Variants in MTR observed in about 807,000 individuals in gnomAD.
MTR encodes the protein 5-methyltetrahydrofolate-homocysteine methyltransferase.
MTR carries 84 observed loss-of-function variants against 154.8 expected under a neutral mutation model. The observed-to-expected ratio is 0.54, with a 90% CI of 0.45 to 0.65. The LOEUF is 0.65. MTR is among the 30% of genes least tolerant of loss of function. The probability of loss-of-function intolerance (pLI) is 0.00; values close to 1 mark genes in which losing one functional copy is unlikely to be tolerated. For synonymous variants in MTR, 554 were observed against 553.9 expected (o/e 1.00, Z 0.00); for missense variants, 1,275 against 1,570.2 (o/e 0.81, Z 3.18).
In MTR at chr1:236,895,486, C is replaced by T. The variant is rs746518670; in HGVS notation, c.3534C>T (p.Pro1178=). The part of the protein sequence containing the change: ...YKGIRPAPGY[P]SQPDHTEKLT... ...GCATCCGCCCGGCTCCTGGCTACCC[C>T]AGCCAGCCCGACCACACCGAGAAGC... Residue 1178 remains proline (P), a synonymous_variant, in exon 31 of 33, where the codon CCC becomes CCT. Transcript: ENST00000366577. 5 of 1,595,772 alleles carry T rather than the reference C, an allele frequency of 3.1e-6. No individual in the cohort carries two copies. The highest frequency in any genetic ancestry group is 2.3e-5 in the East Asian group (1 of 44,008).
chr1:236,850,278 TTTAATA>T (rs1663821876), intron 15 of MTR, 60 bp from the exon 16 acceptor site: 1 of 1,057,014 alleles, frequency 9.5e-7, no homozygotes, highest in Non-Finnish European at 1.3e-6. Context: ...ATAACAGGTA[TTTAATA>T]TTAATATTTT....
At chr1:236,821,608 C>T (rs550890231) in intron 8 of MTR, among the ~76,000 whole-genome samples, 7 of 152,016 alleles carry the variant, frequency 4.6e-5, no homozygotes, top group Admixed American at 4.6e-4. Context: ...TGGACCCTGC[C>T]TTTGTTGTTT....
At chr1:236,894,716 A>G (rs142819899) in intron 30 of MTR, 159 bp downstream of exon 30, 683 of 683,448 alleles carry the variant, frequency 1.0e-3, no homozygotes, top group Admixed American at 1.4e-3. Flanking sequence ...ACGTATTTTA[A>G]TATTATGTAT....
At chr1:236,878,770 G>T (rs1665571243) in intron 24 of MTR, among the ~76,000 whole-genome samples, 1 of 152,156 alleles carries the variant, frequency 6.6e-6, no homozygotes, top group Non-Finnish European at 1.5e-5. Context: ...GGGGTCTTTG[G>T]TCCCTGAGCA....
intron 13 of MTR, among the ~76,000 whole-genome samples, chr1:236,834,379 C>T (rs983495783): frequency 1.3e-5 from 2 of 152,120 alleles, no homozygotes; most frequent in African/African-American, 4.8e-5. Context: ...GGAGTTTTGC[C>T]ATGTTGGCCA....
Position 236,852,532 on chromosome 1 carries a change from T to C in MTR, c.1707T>C (p.Pro569=), listed in dbSNP as rs760490684. 2 of 1,613,990 alleles carry C rather than the reference T, an allele frequency of 1.2e-6. No homozygotes were observed. Among genetic ancestry groups the C allele is most frequent in the South Asian group, 2.2e-5 (2 of 91,088 alleles). The change falls in exon 17 of 33, where the codon CCT becomes CCC. Residue 569 remains proline (P), a synonymous_variant. Coordinates refer to ENST00000366577, the MANE Select transcript of MTR (RefSeq NM_000254.3). ...AAAATTTTTGCCAGGAAACATTACC[T>C]GGAGCCAGAATAAGTGGAGGTCTTT... is the stretch of plus-strand genomic sequence containing the variant. ...HATKVIKETL[P]GARISGGLSN... is the part of the protein sequence containing the mutation.
intron 27 of MTR, 148 bp from the exon 28 acceptor site, chr1:236,889,033 A>T: frequency 2.1e-6 from 2 of 940,454 alleles, no homozygotes; most frequent in African/African-American, 1.6e-5. Context: ...ACGATAATTT[A>T]AAGTTCCCCT....
chr1:236,806,270 A>G (rs763524854), intron 3 of MTR, 37 bp downstream of exon 3: 1 of 1,549,328 alleles, frequency 6.5e-7, no homozygotes, highest in South Asian at 1.1e-5. Flanking sequence ...TAAGATGCTT[A>G]CGAGCGTTTG....
chr1:236,838,080 A>T (rs1222118590), intron 14 of MTR, among the ~76,000 whole-genome samples: 4 of 152,214 alleles, frequency 2.6e-5, no homozygotes, highest in Non-Finnish European at 4.4e-5. Context: ...GGGATGTCTG[A>T]ATCCTAGCTG....
At chr1:236,860,066 GCTGCC>G in intron 19 of MTR, 144 bp downstream of exon 19, 4 of 290,712 alleles carry the variant, frequency 1.4e-5, no homozygotes, top group South Asian at 2.3e-5. Context: ...CTGTCCCCCA[GCTGCC>G]CCCCCCCCCC....
chr1:236,815,714 T>C, intron 7 of MTR, 51 bp downstream of exon 7: 1 of 1,565,444 alleles, frequency 6.4e-7, no homozygotes, highest in Non-Finnish European at 8.8e-7. Context: ...TAATTGTCCT[T>C]TTGAGCATGT....
At chr1:236,840,139 A>AT (rs1349515938) in intron 15 of MTR, among the ~76,000 whole-genome samples, 1 of 152,252 alleles carries the variant, frequency 6.6e-6, no homozygotes, top group Non-Finnish European at 1.5e-5. Context: ...TTTTAAATGC[A>AT]TTTTTTGTAT....
At position 236,839,837 on chromosome 1, in the gene MTR, T is replaced by C. The variant is rs150969446; in HGVS notation, c.1515+1238T>C. Reference sequence around the variant, plus strand: ...ATGCTTAAACTTGGTCCTTACTACATAGAATACTGTGCAGCAGTTAAAAAG... The same window carrying C: ...ATGCTTAAACTTGGTCCTTACTACACAGAATACTGTGCAGCAGTTAAAAAG... On this transcript the variant is annotated intron_variant, in intron 15 of 32. Coordinates refer to ENST00000366577, the MANE Select transcript of MTR (RefSeq NM_000254.3). 9.6e-3 allele frequency among the ~76,000 whole-genome samples: 1,463 copies of C among 152,306 alleles called. 19 individuals are homozygous for C. Among genetic ancestry groups the C allele is most frequent in the African/African-American group, 0.034 (1,414 of 41,566 alleles).
At chr1:236,802,315 A>G (rs1209903137) in intron 1 of MTR, among the ~76,000 whole-genome samples, 1 of 152,152 alleles carries the variant, frequency 6.6e-6, no homozygotes, top group Non-Finnish European at 1.5e-5. Context: ...TATCCAGTGG[A>G]CAGTTTAAAA....
intron 26 of MTR, 112 bp from the exon 27 acceptor site, chr1:236,886,180 A>G: frequency 1.2e-6 from 1 of 840,254 alleles, no homozygotes; most frequent in Non-Finnish European, 2.0e-6. Flanking sequence ...TCTCATGAAT[A>G]AGAGCATTTG....
At chr1:236,857,785 C>T (rs1192774587) in intron 18 of MTR, among the ~76,000 whole-genome samples, 1 of 152,126 alleles carries the variant, frequency 6.6e-6, no homozygotes, top group Non-Finnish European at 1.5e-5. Context: ...CTAGGAGAAG[C>T]CTGAGGGAGA....
intron 27 of MTR, 125 bp from the exon 28 acceptor site, chr1:236,889,056 A>G (rs1358946905): frequency 8.6e-7 from 1 of 1,163,964 alleles, no homozygotes; most frequent in Non-Finnish European, 1.3e-6. Flanking sequence ...TTGTAAAACA[A>G]CTCCTACGGG....
At chr1:236,828,732 C>T (rs1348184652) in intron 11 of MTR, among the ~76,000 whole-genome samples, 1 of 152,032 alleles carries the variant, frequency 6.6e-6, no homozygotes, top group African/African-American at 2.4e-5. Flanking sequence ...TAATTCTCTC[C>T]TCTCCTAGCC....
chr1:236,796,063 A>G (rs897189831), intron 1 of MTR, among the ~76,000 whole-genome samples: 1 of 152,086 alleles, frequency 6.6e-6, no homozygotes, highest in African/African-American at 2.4e-5. Context: ...GGCCCTCTGG[A>G]AGTTTTTTTT....
Sources: gnomAD v4.1 joint callset for allele counts (sites outside exome capture counted in the v4.1 genomes callset) on GRCh38, gnomAD v4.1.1 for gene constraint, MANE v1.5 for transcripts, NCBI Gene and HGNC (gene_info 2026-07-23, HGNC 2026-07-21) for gene names.